DNAH17: variants seen among roughly 807,000 people sequenced by gnomAD.
DNAH17 encodes the protein dynein axonemal heavy chain 17, also known as axonemal beta dynein heavy chain 17.
A neutral mutation model predicts 485.6 loss-of-function variants in DNAH17; 376 were observed. That is an observed-to-expected ratio of 0.77 (90% CI 0.71 to 0.84). The LOEUF (loss-of-function observed/expected upper bound fraction) is 0.84, where lower values mean the gene tolerates loss of function less well. DNAH17 is among the 40% of genes least tolerant of loss of function. The pLI, the probability that DNAH17 is intolerant of heterozygous loss-of-function variation, is 0.00. For missense variants in DNAH17, 6,370 were observed against 5,839.3 expected (o/e 1.09, Z -2.96); for synonymous variants, 3,031 against 2,405.9 (o/e 1.26, Z -7.60).
chr17:78,497,993 TTAGCCGGGCGTGGTGG>T (rs1260810500), intron 37 of DNAH17, among the ~76,000 whole-genome samples: 1 of 151,870 alleles, frequency 6.6e-6, no homozygotes, highest in Non-Finnish European at 1.5e-5. Flanking sequence ...AAATACAAAA[TTAGCCGGGCGTGGTGG>T]TGCACGCCTG....
rs74889218 is a variant in DNAH17, at chr17:78,491,394, T to C, written c.6669+49A>G. On this transcript the variant is annotated intron_variant, in intron 43 of 80. Transcript: ENST00000389840. ...TAGGCGCCTCCCTGTGAGCCCCCGT[T>C]GTCCCTGCCTTGGGTGGCCTTGGGG... The C allele has an allele frequency of 0.052, 83,636 of 1,597,002 alleles. 3,038 individuals are homozygous for C. The highest frequency in any genetic ancestry group is 0.18 in the African/African-American group (13,182 of 74,644).
At chr17:78,517,744 T>A (rs912953264) in intron 25 of DNAH17, among the ~76,000 whole-genome samples, 7 of 152,370 alleles carry the variant, frequency 4.6e-5, no homozygotes, top group African/African-American at 1.4e-4. Context: ...TAAAAAGTTG[T>A]CAGTTCTTTC....
rs761353696 is a variant in DNAH17, at chr17:78,475,325, C to T, written c.8464G>A (p.Val2822Met). Residue 2822 changes from valine to methionine, a missense_variant, in exon 54 of 81, where the codon GTG (valine) becomes ATG (methionine). Physicochemically the swap from Val to Met is conservative, Grantham distance 21 (BLOSUM62 1). Coordinates refer to ENST00000389840, the MANE Select transcript of DNAH17 (RefSeq NM_173628.4). ...CCCTTCTTGAGGGTGATCTGAAACA[C>T]GTCAAGCCCGCTGATGTACGCTGCC... ...RLAAYISGLDVFQITLKKGYG... is the reference protein window; with the variant it reads ...RLAAYISGLDMFQITLKKGYG... 1.1e-5 allele frequency: 17 copies of T among 1,613,874 alleles called. No homozygotes were observed. Among genetic ancestry groups the T allele is most frequent in the Admixed American group, 5.0e-5 (3 of 60,004 alleles).
In DNAH17 at chr17:78,486,309, G is replaced by A; in HGVS notation, c.7016C>T (p.Pro2339Leu). The change falls in exon 45 of 81, where the codon CCC becomes CTC. Residue 2339 changes from proline (P) to leucine (L), a missense_variant. Physicochemically the swap from Pro to Leu is moderately conservative, Grantham distance 98. Transcript: ENST00000389840. ...GTACAGCTCCCTGGGGGAGTCGGGGGGCACGGTCTTCTCCGTGAGCAGGCA... is the reference window on the plus strand; with the variant it reads ...GTACAGCTCCCTGGGGGAGTCGGGGAGCACGGTCTTCTCCGTGAGCAGGCA... ...LECLLTEKTV[P>L]PDSPRELYEL... The A allele has an allele frequency of 6.2e-7, 1 of 1,613,336 alleles. No homozygotes were observed. The highest frequency in any genetic ancestry group is 8.5e-7 in the Non-Finnish European group (1 of 1,179,428).
chr17:78,471,856 C>T (rs911037931), intron 54 of DNAH17, among the ~76,000 whole-genome samples: 3 of 152,150 alleles, frequency 2.0e-5, no homozygotes, highest in African/African-American at 4.8e-5. Flanking sequence ...CATCTCTACC[C>T]GCATCCTATC....
In DNAH17 at chr17:78,455,812, T is replaced by C; in HGVS notation, c.10002A>G (p.Glu3334=). 1 of 1,605,832 alleles carries C rather than the reference T, an allele frequency of 6.2e-7. No individual in the cohort carries two copies. The highest frequency in any genetic ancestry group is 1.1e-5 in the South Asian group (1 of 90,026). The part of the protein sequence containing the change: ...ANRLVGGLAS[E]NIRWAESVEN... ...CCACAGACTCAGCCCAGCGGATGTTTTCCGATGCTAATCCCCCGACCAGCC... is the reference window on the plus strand; with the variant it reads ...CCACAGACTCAGCCCAGCGGATGTTCTCCGATGCTAATCCCCCGACCAGCC... Residue 3334 remains glutamate (E), a synonymous_variant, in exon 63 of 81, where the codon GAA becomes GAG. Transcript: ENST00000389840.
intron 37 of DNAH17, 82 bp from the exon 38 acceptor site, chr17:78,496,114 CA>C: frequency 6.9e-7 from 1 of 1,459,252 alleles, no homozygotes; most frequent in Non-Finnish European, 9.2e-7. Flanking sequence ...TATGTTAAAG[CA>C]TGAGGCTGCG....
intron 14 of DNAH17, among the ~76,000 whole-genome samples, chr17:78,553,085 G>A (rs1468013778): frequency 6.6e-6 from 1 of 151,992 alleles, no homozygotes; most frequent in Non-Finnish European, 1.5e-5. Context: ...TTAAACAGGT[G>A]TAGCACCTCC....
At chr17:78,535,969 C>A (rs1164285079) in intron 19 of DNAH17, among the ~76,000 whole-genome samples, 1 of 152,130 alleles carries the variant, frequency 6.6e-6, no homozygotes. Flanking sequence ...CACACCACCT[C>A]AAACCTCCCT....
chr17:78,512,987 C>T (rs376204017), intron 26 of DNAH17, among the ~76,000 whole-genome samples: 1 of 151,058 alleles, frequency 6.6e-6, no homozygotes, highest in South Asian at 2.1e-4. Flanking sequence ...ACAGCTTCAG[C>T]CCCTTATCAG....
At position 78,467,486 on chromosome 17, in the gene DNAH17, C is replaced by T. The variant is rs115607892; in HGVS notation, c.8779-670G>A. Among the ~76,000 whole-genome samples the T allele has an allele frequency of 1.9e-3, 286 of 152,310 alleles. 2 individuals are homozygous for T. Among genetic ancestry groups the T allele is most frequent in the African/African-American group, 6.3e-3 (260 of 41,558 alleles). Reference sequence around the variant, plus strand: ...GCACCAAAGAGGATCCAGGAGCAGGCAGCACCTATCAGGGGATGCCTTTGG... The same window carrying T: ...GCACCAAAGAGGATCCAGGAGCAGGTAGCACCTATCAGGGGATGCCTTTGG... On this transcript the variant is annotated intron_variant, in intron 55 of 80. Transcript: ENST00000389840.
At chr17:78,425,645 G>A (rs1273457194) in intron 79 of DNAH17, 74 bp from the exon 80 acceptor site, 4 of 1,378,268 alleles carry the variant, frequency 2.9e-6, no homozygotes, top group Non-Finnish European at 3.9e-6. Context: ...TGGCCGTTCT[G>A]AGCAGGGGTC....
intron 18 of DNAH17, 72 bp downstream of exon 18, chr17:78,539,665 A>C: frequency 1.6e-6 from 2 of 1,275,490 alleles, no homozygotes; most frequent in South Asian, 3.5e-5. Flanking sequence ...TTCATCAAGA[A>C]ACTAGAAACT....
Position 78,439,072 on chromosome 17 carries a change from G to A in DNAH17, c.11805+18C>T. ...CAGTGCGGGGAGCCCTTACCCTGCA[G>A]TGCTGGCCCCCTCGTACCTGCAGAA... On this transcript the variant is annotated intron_variant, in intron 73 of 80. Transcript: ENST00000389840. 6.2e-7 allele frequency: 1 copy of A among 1,611,770 alleles called. No individual in the cohort carries two copies. The highest frequency in any genetic ancestry group is 1.1e-5 in the South Asian group (1 of 90,828).
chr17:78,498,006 G>A (rs915912476), intron 37 of DNAH17, among the ~76,000 whole-genome samples: 2 of 152,066 alleles, frequency 1.3e-5, no homozygotes, highest in Non-Finnish European at 2.9e-5. Flanking sequence ...GCCGGGCGTG[G>A]TGGTGCACGC....
chr17:78,473,285 C>T lies in DNAH17; in HGVS notation c.8511+1993G>A, dbSNP rs182585369. ...GATGGCCGGGCGCAGTGGCTCACGC[C>T]TGTAATCCCAGCACTCTGGGAGGCT... On this transcript the variant is annotated intron_variant, in intron 54 of 80. Transcript: ENST00000389840. 5.3e-5 allele frequency among the ~76,000 whole-genome samples: 8 copies of T among 152,312 alleles called. No individual in the cohort carries two copies. The East Asian group carries it at 1.5e-3, about 29-fold the overall frequency.
At chr17:78,520,093 T>C (rs1250905788) in intron 25 of DNAH17, among the ~76,000 whole-genome samples, 2 of 144,724 alleles carry the variant, frequency 1.4e-5, no homozygotes, top group African/African-American at 2.6e-5. Flanking sequence ...GCCTGGGCGA[T>C]AGAACGAAAC....
intron 54 of DNAH17, among the ~76,000 whole-genome samples, chr17:78,473,654 G>A (rs1433872518): frequency 1.3e-5 from 2 of 151,522 alleles, no homozygotes; most frequent in East Asian, 3.9e-4. Context: ...AGCAGCTGAT[G>A]AATAAAATAG....
chr17:78,539,824 G>T lies in DNAH17; in HGVS notation c.2589C>A (p.Val863=). 6.2e-7 allele frequency: 1 copy of T among 1,611,758 alleles called. No homozygotes were observed. The highest frequency in any genetic ancestry group is 8.5e-7 in the Non-Finnish European group (1 of 1,179,536). Residue 863 remains valine, a synonymous_variant, in exon 18 of 81, where the codon GTC becomes GTA. Transcript: ENST00000389840. The stretch of plus-strand genomic sequence containing the variant: ...CTAAGACCATGTCGTCAATGTAGAT[G>T]ACATAATCCTTCCAGGGCAGGCTCA... ...DTLSLPWKDY[V]IYIDDMVLDE...
Sources: allele counts gnomAD v4.1 joint callset (sites outside exome capture counted in the v4.1 genomes callset), GRCh38; gene constraint gnomAD v4.1.1; transcripts MANE v1.5; gene names NCBI Gene and HGNC (gene_info 2026-07-23, HGNC 2026-07-21).